Variants in SNTN observed in about 807,000 individuals in gnomAD.
The protein encoded by SNTN is sentan.
In SNTN, 13 loss-of-function variants were observed where a neutral mutation model predicts 12.3. The ratio of observed to expected loss-of-function variants is 1.05; its 90% confidence interval spans 0.69 to 1.67. The LOEUF is 1.67. Ranked by LOEUF, SNTN falls within the 40% of genes most tolerant of loss-of-function variation. SNTN has a pLI of 0.00. For missense variants in SNTN, 189 were observed against 169.8 expected (o/e 1.11, Z -0.63); for synonymous variants, 69 against 58.5 (o/e 1.18, Z -0.82).
rs549703664 is a variant in SNTN, at chr3:63,663,830, A to G, written c.286-107A>G. Reference sequence around the variant, plus strand: ...TTTTCTTTATAAATCACTCAGTCTCAGGTATTCTATTACAGCAACACTAAA... The same window carrying G: ...TTTTCTTTATAAATCACTCAGTCTCGGGTATTCTATTACAGCAACACTAAA... On this transcript the variant is annotated intron_variant, in intron 3 of 3. Coordinates refer to ENST00000343837, the MANE Select transcript of SNTN (RefSeq NM_001080537.2). 3 of 1,352,088 alleles carry G rather than the reference A, an allele frequency of 2.2e-6. No individual in the cohort carries two copies. The African/African-American group carries it at 4.3e-5, about 19-fold the overall frequency. 83.8% of individuals were successfully genotyped at this position (1,352,088 alleles called of 1,614,324 possible). A position where few individuals can be genotyped will look rare whatever the true frequency, so the allele number is the denominator to read the frequency against.
At chr3:63,656,417 A>G (rs554463579) in intron 2 of SNTN, among the ~76,000 whole-genome samples, 2 of 152,314 alleles carry the variant, frequency 1.3e-5, no homozygotes, top group South Asian at 4.1e-4. Context: ...AGCTTCATGT[A>G]GATACTGAGC....
intron 2 of SNTN, among the ~76,000 whole-genome samples, chr3:63,656,628 A>G (rs374838655): frequency 9.2e-5 from 14 of 152,314 alleles, no homozygotes; most frequent in African/African-American, 3.4e-4. Context: ...GTGGCCATCT[A>G]TCAGAAATTT....
At chr3:63,663,085 G>A (rs552164002) in intron 3 of SNTN, among the ~76,000 whole-genome samples, 233 of 152,056 alleles carry the variant, frequency 1.5e-3, no homozygotes, top group African/African-American at 5.0e-3. Flanking sequence ...CTTAGATAAC[G>A]AACCCATAGA....
intron 3 of SNTN, among the ~76,000 whole-genome samples, chr3:63,660,682 C>A (rs974447961): frequency 1.3e-5 from 2 of 152,034 alleles, no homozygotes; most frequent in African/African-American, 2.4e-5. Flanking sequence ...TGTTCCCACT[C>A]CTAGAGAAGA....
chr3:63,662,550 C>A (rs1194155071), intron 3 of SNTN, among the ~76,000 whole-genome samples: 1 of 152,160 alleles, frequency 6.6e-6, no homozygotes, highest in Admixed American at 6.6e-5. Context: ...CTATCTCATA[C>A]CTCTGAGCAA....
In SNTN at chr3:63,664,094, G is replaced by A. The variant is rs2106945679; in HGVS notation, c.443G>A (p.Ter148=). 6.2e-7 allele frequency: 1 copy of A among 1,602,488 alleles called. No homozygotes were observed. The change falls in exon 4 of 4, where the codon TGA becomes TAA. Residue 148 remains the stop codon, a stop_retained_variant. Coordinates refer to ENST00000343837, the MANE Select transcript of SNTN (RefSeq NM_001080537.2). ...ATACGGAATGTAAAAATTATGAAAT[G>A]AACAGTTTTAAATATGCTGTATAAA... ...QNIRNVKIMK[*]
intron 3 of SNTN, 134 bp from the exon 4 acceptor site, chr3:63,663,803 T>C: frequency 1.6e-6 from 2 of 1,212,758 alleles, no homozygotes; most frequent in Non-Finnish European, 2.4e-6. Context: ...CAAATTTTTC[T>C]TTTTTCTTTA....
At chr3:63,660,839 T>C (rs1280539022) in intron 3 of SNTN, among the ~76,000 whole-genome samples, 1 of 152,166 alleles carries the variant, frequency 6.6e-6, no homozygotes, top group African/African-American at 2.4e-5. Flanking sequence ...AAGGTGAGAA[T>C]AGAGATCTGT....
At chr3:63,662,437 T>C (rs17069231) in intron 3 of SNTN, among the ~76,000 whole-genome samples, 3 of 152,160 alleles carry the variant, frequency 2.0e-5, no homozygotes. Flanking sequence ...CTAAAGGCAC[T>C]ACTGGGAAGA....
At chr3:63,663,258 G>A (rs1359868446) in intron 3 of SNTN, among the ~76,000 whole-genome samples, 3 of 152,134 alleles carry the variant, frequency 2.0e-5, no homozygotes, top group Admixed American at 2.0e-4. Context: ...CTTGGCGCAA[G>A]TCTCTTAATT....
chr3:63,664,136 G>C lies in SNTN; in HGVS notation c.*41G>C. The C allele has an allele frequency of 6.7e-7, 1 of 1,502,278 alleles. No individual in the cohort carries two copies. The highest frequency in any genetic ancestry group is 9.0e-7 in the Non-Finnish European group (1 of 1,114,464). 93.1% of individuals were successfully genotyped at this position (1,502,278 alleles called of 1,614,324 possible). A position where few individuals can be genotyped will look rare whatever the true frequency, so the allele number is the denominator to read the frequency against. ...CTGTATAAAATAATGGCAAAAGACA[G>C]TGTTATTAAAATGTTTCCATCTTAT... On this transcript the variant is annotated 3_prime_UTR_variant, in exon 4 of 4. Coordinates refer to ENST00000343837, the MANE Select transcript of SNTN (RefSeq NM_001080537.2).
Position 63,664,433 on chromosome 3 carries a change from T to A in SNTN, c.*338T>A, listed in dbSNP as rs1029319392. On this transcript the variant is annotated 3_prime_UTR_variant, in exon 4 of 4. Coordinates refer to ENST00000343837, the MANE Select transcript of SNTN (RefSeq NM_001080537.2). ...AAACATTTGTTGAGCATCTACTTGA[T>A]GGAACTGCTGAGGATACAGTAATGA... is the stretch of plus-strand genomic sequence containing the variant. 2 of 185,146 alleles carry A rather than the reference T, an allele frequency of 1.1e-5. No individual in the cohort carries two copies. The highest frequency in any genetic ancestry group is 4.7e-5 in the African/African-American group (2 of 42,288). The allele number at this position is 185,146 out of a possible 1,614,324, so 11.5% of individuals were successfully genotyped here.
At chr3:63,662,052 C>G (rs947095276) in intron 3 of SNTN, among the ~76,000 whole-genome samples, 58 of 152,266 alleles carry the variant, frequency 3.8e-4, no homozygotes, top group African/African-American at 1.3e-3. Flanking sequence ...GCAGCAGGCA[C>G]ACCCAGGCCT....
rs760092838 is a variant in SNTN at position 63,652,749 on chromosome 3, C to G, written c.62C>G (p.Pro21Arg). The G allele has an allele frequency of 1.2e-6, 2 of 1,614,106 alleles. No homozygotes were observed. The highest frequency in any genetic ancestry group is 4.5e-5 in the East Asian group (2 of 44,870). Reference sequence around the variant, plus strand: ...CTCCACTTGGAAGGAGATCCCAATCCTTCTGCAGCCCCAACATCCACCTGC... The same window carrying G: ...CTCCACTTGGAAGGAGATCCCAATCGTTCTGCAGCCCCAACATCCACCTGC... ...KSLHLEGDPNPSAAPTSTCAP... is the reference protein window; with the variant it reads ...KSLHLEGDPNRSAAPTSTCAP... The change falls in exon 1 of 4, where the codon CCT becomes CGT. Residue 21 changes from proline (P) to arginine (R), a missense_variant. Coordinates refer to ENST00000343837, the MANE Select transcript of SNTN (RefSeq NM_001080537.2).
intron 3 of SNTN, among the ~76,000 whole-genome samples, chr3:63,662,746 AG>A (rs901247279): frequency 6.6e-6 from 1 of 152,230 alleles, no homozygotes; most frequent in African/African-American, 2.4e-5. Context: ...TCATTCCCAA[AG>A]TGCCTTAGTC....
intron 2 of SNTN, among the ~76,000 whole-genome samples, chr3:63,659,465 G>A (rs865904089): frequency 7.2e-5 from 11 of 152,244 alleles, no homozygotes; most frequent in Middle Eastern, 3.4e-3. Context: ...AGAGAGGTGA[G>A]AGACTTTTCT....
intron 2 of SNTN, among the ~76,000 whole-genome samples, 154 bp from the exon 3 acceptor site, chr3:63,659,571 A>G (rs1700718682): frequency 6.6e-6 from 1 of 152,192 alleles, no homozygotes; most frequent in African/African-American, 2.4e-5. Flanking sequence ...TTAAAGATGC[A>G]GGATTGGAAA....
At chr3:63,654,974 G>A (rs1700660833) in intron 2 of SNTN, among the ~76,000 whole-genome samples, 178 bp downstream of exon 2, 1 of 152,156 alleles carries the variant, frequency 6.6e-6, no homozygotes, top group African/African-American at 2.4e-5. Context: ...CCCGGAGTAG[G>A]AATTAACTTA....
intron 3 of SNTN, among the ~76,000 whole-genome samples, chr3:63,663,253 C>T (rs6445380): frequency 4.0e-4 from 61 of 152,134 alleles, no homozygotes; most frequent in Middle Eastern, 3.4e-3. Context: ...TCCAGCTTGG[C>T]GCAAGTCTCT....
Sources: gnomAD v4.1 joint callset for allele counts (sites outside exome capture counted in the v4.1 genomes callset) on GRCh38, gnomAD v4.1.1 for gene constraint, MANE v1.5 for transcripts, NCBI Gene and HGNC (gene_info 2026-07-23, HGNC 2026-07-21) for gene names.